PRKACB: variants seen among roughly 807,000 people sequenced by gnomAD.
The protein encoded by PRKACB is protein kinase cAMP-activated catalytic subunit beta, also known as cAMP-dependent protein kinase catalytic subunit beta.
PRKACB carries 16 observed loss-of-function variants against 51.4 expected under a neutral mutation model. That is an observed-to-expected ratio of 0.31 (90% confidence interval 0.21 to 0.47). The LOEUF is 0.47. Among genes scored for constraint, PRKACB ranks in the 20% least tolerant of loss-of-function variants. PRKACB has a pLI of 1.00. For synonymous variants in PRKACB, 147 were observed against 154.4 expected (o/e 0.95, Z 0.35); for missense variants, 309 against 464.5 (o/e 0.67, Z 3.08).
intron 1 of PRKACB, among the ~76,000 whole-genome samples, chr1:84,079,568 G>A (rs1239252551): frequency 1.3e-5 from 2 of 152,140 alleles, no homozygotes; most frequent in Admixed American, 1.3e-4. Context: ...ATTTTCAGGA[G>A]CTTCAGAAAA....
At chr1:84,103,909 G>T (rs1649537727) in intron 1 of PRKACB, among the ~76,000 whole-genome samples, 1 of 152,110 alleles carries the variant, frequency 6.6e-6, no homozygotes, top group African/African-American at 2.4e-5. Flanking sequence ...TATGTAATGT[G>T]TAATGATCAA....
At position 84,182,232 on chromosome 1, in the gene PRKACB, A is replaced by G. The variant is rs1484459239; in HGVS notation, c.282A>G (p.Lys94=). 5.7e-6 allele frequency: 9 copies of G among 1,591,420 alleles called. No individual in the cohort carries two copies. Among genetic ancestry groups the G allele is most frequent in the Non-Finnish European group, 7.7e-6 (9 of 1,166,602 alleles). ...CCGGACTTGAAGATTTTGAAAGGAA[A>G]AAAACCCTTGGAACAGGTTCATTTG... ...NNAGLEDFER[K]KTLGTGSFGR... Residue 94 remains lysine, a synonymous_variant, in exon 3 of 10, where the codon AAA becomes AAG. Coordinates refer to ENST00000370685, the MANE Select transcript of PRKACB (RefSeq NM_182948.4).
intron 1 of PRKACB, among the ~76,000 whole-genome samples, chr1:84,091,705 A>G (rs930903171): frequency 2.6e-5 from 4 of 152,030 alleles, no homozygotes; most frequent in East Asian, 1.9e-4. Context: ...GGGTTTTGCC[A>G]TGTTGCCCGG....
At chr1:84,138,519 G>A (rs1239025682) in intron 1 of PRKACB, among the ~76,000 whole-genome samples, 5 of 152,038 alleles carry the variant, frequency 3.3e-5, no homozygotes, top group African/African-American at 1.2e-4. Flanking sequence ...CATTGTATTA[G>A]TATTTGTAAT....
intron 1 of PRKACB, among the ~76,000 whole-genome samples, chr1:84,115,621 G>A (rs999780831): frequency 1.3e-5 from 2 of 151,686 alleles, no homozygotes; most frequent in Non-Finnish European, 2.9e-5. Context: ...GGTGGCTCAC[G>A]CCTATAATCT....
intron 1 of PRKACB, among the ~76,000 whole-genome samples, chr1:84,168,418 C>G (rs930614723): frequency 6.6e-6 from 1 of 151,496 alleles, no homozygotes; most frequent in African/African-American, 2.4e-5. Flanking sequence ...TAACTAGCAT[C>G]ATTATATCAA....
chr1:84,084,695 A>G (rs1208977056), intron 1 of PRKACB, among the ~76,000 whole-genome samples: 3 of 152,126 alleles, frequency 2.0e-5, no homozygotes, highest in African/African-American at 7.2e-5. Context: ...GAGGAAAAGG[A>G]GGATTGGGGA....
At chr1:84,127,325 AT>A (rs1030200963) in intron 1 of PRKACB, among the ~76,000 whole-genome samples, 24 of 152,210 alleles carry the variant, frequency 1.6e-4, no homozygotes, top group African/African-American at 5.3e-4. Flanking sequence ...AAGCATCCTA[AT>A]TTTCCCCTGC....
chr1:84,099,473 T>C (rs1482333765), intron 1 of PRKACB, among the ~76,000 whole-genome samples: 1 of 152,144 alleles, frequency 6.6e-6, no homozygotes, highest in Non-Finnish European at 1.5e-5. Flanking sequence ...AATGTACCCT[T>C]ATTTCTGTGG....
chr1:84,205,906 C>T (rs1671266347), intron 8 of PRKACB, among the ~76,000 whole-genome samples: 1 of 152,018 alleles, frequency 6.6e-6, no homozygotes, highest in African/African-American at 2.4e-5. Flanking sequence ...TTTATGATTC[C>T]TGCATTAACT....
Position 84,144,544 on chromosome 1 carries a change from A to G in PRKACB, c.183A>G (p.Arg61=), listed in dbSNP as rs945599391. 6.4e-7 allele frequency: 1 copy of G among 1,563,198 alleles called. No individual in the cohort carries two copies. ...CTGAACATACTGCCTTATGGGACAG[A>G]TCAAGTAAGTTTTGTTTTTTAAATG... ...HFSEHTALWD[R]SMKEFLAKAK... The change falls in exon 1 of 10, where the codon AGA becomes AGG. Residue 61 remains arginine, a synonymous_variant. Transcript: ENST00000370685.
At chr1:84,090,309 C>T (rs1330323452) in intron 1 of PRKACB, among the ~76,000 whole-genome samples, 12 of 152,150 alleles carry the variant, frequency 7.9e-5, no homozygotes, top group East Asian at 1.9e-4. Context: ...AATGTTCACA[C>T]CTACTGTATT....
chr1:84,197,409 T>G (rs1426828995), intron 6 of PRKACB, among the ~76,000 whole-genome samples: 1 of 152,170 alleles, frequency 6.6e-6, no homozygotes, highest in Non-Finnish European at 1.5e-5. Context: ...CATTGTTTCA[T>G]TTTTATTAAT....
At chr1:84,190,800 C>CT (rs1666538925) in intron 5 of PRKACB, among the ~76,000 whole-genome samples, 1 of 152,002 alleles carries the variant, frequency 6.6e-6, no homozygotes, top group African/African-American at 2.4e-5. Context: ...TAATGCCCTT[C>CT]TTTGTCTTTC....
At chr1:84,105,144 T>C (rs79886089) in intron 1 of PRKACB, among the ~76,000 whole-genome samples, 1 of 152,270 alleles carries the variant, frequency 6.6e-6, no homozygotes, top group East Asian at 1.9e-4. Flanking sequence ...AAAAGGTAAA[T>C]AACCAATGTA....
At chr1:84,134,992 A>AT (rs1411671680) in intron 1 of PRKACB, among the ~76,000 whole-genome samples, 2 of 152,136 alleles carry the variant, frequency 1.3e-5, no homozygotes, top group Non-Finnish European at 2.9e-5. Flanking sequence ...TTCTTTTATG[A>AT]TTTTTTAAGG....
At position 84,114,020 on chromosome 1, in the gene PRKACB, A is replaced by G. The variant is rs111748623; in HGVS notation, c.46+35649A>G. ...CAAGAAAACTGTTAAAATGATTAAT[A>G]GCTAGGGACTTTATAAACATTACTG... On this transcript the variant is annotated intron_variant, in intron 1 of 8. Transcript: ENST00000370688. Among the ~76,000 whole-genome samples the G allele has an allele frequency of 4.2e-3, 634 of 152,302 alleles. 4 individuals carry two copies. Among genetic ancestry groups the G allele is most frequent in the African/African-American group, 0.014 (601 of 41,564 alleles).
At chr1:84,197,882 A>G in intron 7 of PRKACB, 58 bp downstream of exon 7, 1 of 1,208,264 alleles carries the variant, frequency 8.3e-7, no homozygotes, top group Non-Finnish European at 1.2e-6. Context: ...ATCCCTATGG[A>G]CTTTTGTAAA....
intron 1 of PRKACB, among the ~76,000 whole-genome samples, chr1:84,172,535 T>C (rs558817597): frequency 6.6e-6 from 1 of 151,796 alleles, no homozygotes; most frequent in East Asian, 1.9e-4. Flanking sequence ...TACATATGAT[T>C]AGTTGTGAAT....
Sources: gnomAD v4.1 joint callset for allele counts (sites outside exome capture counted in the v4.1 genomes callset) on GRCh38, gnomAD v4.1.1 for gene constraint, MANE v1.5 for transcripts, NCBI Gene and HGNC (gene_info 2026-07-23, HGNC 2026-07-21) for gene names.